MAGT1: variants seen among roughly 807,000 people sequenced by gnomAD.
MAGT1 encodes the protein magnesium transporter 1.
MAGT1 carries 4 observed loss-of-function variants against 28.4 expected under a neutral mutation model. That is an observed-to-expected ratio of 0.14 (90% CI 0.07 to 0.32). MAGT1 has a LOEUF of 0.32. Ranked by LOEUF, MAGT1 falls within the 10% of genes least tolerant of loss-of-function variation. MAGT1 has a pLI of 1.00. For missense variants in MAGT1, 193 were observed against 264.5 expected (o/e 0.73, Z 1.88); for synonymous variants, 89 against 89.7 (o/e 0.99, Z 0.04).
chrX:77,833,143 G>A (rs945186593), intron 8 of MAGT1, among the ~76,000 whole-genome samples: 1 of 112,125 alleles, frequency 8.9e-6, no homozygotes, highest in Non-Finnish European at 1.9e-5. Context: ...AGAATCGTCT[G>A]AATCATCACA....
At chrX:77,840,637 G>A (rs574910744) in intron 8 of MAGT1, among the ~76,000 whole-genome samples, 1 of 111,574 alleles carries the variant, frequency 9.0e-6, no homozygotes, top group Admixed American at 9.7e-5. Context: ...GAGTCCAGGG[G>A]TTTGAGGCCA....
chrX:77,845,871 T>C (rs1300704930), intron 7 of MAGT1, among the ~76,000 whole-genome samples: 3 of 111,489 alleles, frequency 2.7e-5, no homozygotes, highest in Non-Finnish European at 5.6e-5. Context: ...CCCTTAACAT[T>C]TTTTCCTTCA....
rs1233187728 is a variant in MAGT1 at position 77,884,753 on chromosome X, G to A, written c.103-9156C>T. On this transcript the variant is annotated intron_variant, in intron 1 of 9. Coordinates refer to ENST00000618282, the MANE Select transcript of MAGT1 (RefSeq NM_001367916.1). ...CACACACTGCCAAATATCTCCTGGG[G>A]AGCAAAATCACCCCCAATCCCACAA... Among the ~76,000 whole-genome samples, 21 of 106,731 alleles carry A rather than the reference G, an allele frequency of 2.0e-4. No homozygotes were observed. In the Admixed American group the frequency reaches 2.0e-3, roughly 10 times the overall value. The allele number at this position is 106,731 out of a possible 115,157, so 92.7% of individuals were successfully genotyped here.
At chrX:77,846,488 CTTT>C (rs1557214947) in intron 7 of MAGT1, among the ~76,000 whole-genome samples, 3 of 112,153 alleles carry the variant, frequency 2.7e-5, no homozygotes, top group Non-Finnish European at 3.8e-5. Flanking sequence ...AGCTGCATTC[CTTT>C]GGAGGAGGAG....
upstream of MAGT1, chrX:77,895,468 G>C: frequency 4.2e-6 from 5 of 1,189,904 alleles, no homozygotes; most frequent in Non-Finnish European, 5.7e-6. Context: ...TGAGGGTGGG[G>C]CGTGAGAACA....
intron 8 of MAGT1, among the ~76,000 whole-genome samples, chrX:77,836,235 G>A (rs782142844): frequency 3.6e-5 from 4 of 111,393 alleles, no homozygotes; most frequent in African/African-American, 1.3e-4. Context: ...ACCAGAGGCT[G>A]GGAACGGTAG....
chrX:77,847,679 T>G (rs2076955902), intron 7 of MAGT1, among the ~76,000 whole-genome samples: 1 of 106,628 alleles, frequency 9.4e-6, no homozygotes. Context: ...GGAGCCATCT[T>G]GACTCACTGC....
chrX:77,875,733 G>A (rs1280898908), intron 1 of MAGT1, 136 bp from the exon 2 acceptor site: 11 of 536,520 alleles, frequency 2.1e-5, no homozygotes, highest in Non-Finnish European at 3.1e-5. Flanking sequence ...GCCAAAATTT[G>A]GTAGTTGGGC....
intron 1 of MAGT1, among the ~76,000 whole-genome samples, chrX:77,883,151 TG>T (rs2077057908): frequency 9.7e-6 from 1 of 102,735 alleles, no homozygotes; most frequent in African/African-American, 3.5e-5. Context: ...AGGCTATCAT[TG>T]TTAGACATTT....
chrX:77,839,343 C>CT (rs1408011440), intron 8 of MAGT1, among the ~76,000 whole-genome samples: 84 of 97,058 alleles, frequency 8.7e-4, no homozygotes, highest in African/African-American at 9.2e-4. Context: ...AACAAACATT[C>CT]TTTTTTTTTT....
chrX:77,831,961 T>A (rs113494260), intron 8 of MAGT1, among the ~76,000 whole-genome samples: 13 of 111,502 alleles, frequency 1.2e-4, no homozygotes, highest in African/African-American at 3.6e-4. Flanking sequence ...AACTTAGACA[T>A]CTGATGACTT....
chrX:77,846,555 T>A (rs1351445104), intron 7 of MAGT1, among the ~76,000 whole-genome samples: 7 of 112,019 alleles, frequency 6.2e-5, no homozygotes, highest in Non-Finnish European at 1.3e-4. Flanking sequence ...TTTCCCCATC[T>A]TTGTGGTTTT....
At chrX:77,883,120 A>T in intron 1 of MAGT1, among the ~76,000 whole-genome samples, 1 of 102,094 alleles carries the variant, frequency 9.8e-6, no homozygotes, top group African/African-American at 3.5e-5. Context: ...ATTATATTAT[A>T]ATATATATTA....
chrX:77,852,552 T>G, intron 7 of MAGT1, among the ~76,000 whole-genome samples: 1 of 111,866 alleles, frequency 8.9e-6, no homozygotes, highest in East Asian at 2.8e-4. Flanking sequence ...TAATTTATAT[T>G]CCTTTTGCAA....
At chrX:77,863,786 G>A (rs782644499) in intron 3 of MAGT1, among the ~76,000 whole-genome samples, 1 of 112,005 alleles carries the variant, frequency 8.9e-6, no homozygotes, top group South Asian at 3.7e-4. Flanking sequence ...GGGAGGCTGC[G>A]GCAGGTGGAT....
intron 7 of MAGT1, among the ~76,000 whole-genome samples, chrX:77,848,947 G>A (rs374797545): frequency 7.4e-4 from 81 of 110,031 alleles, no homozygotes; most frequent in African/African-American, 1.5e-3. Flanking sequence ...CTGGGAGGTC[G>A]AGGTTACAGT....
At chrX:77,868,693 G>T (rs782042756) in intron 3 of MAGT1, 17 of 289,568 alleles carry the variant, frequency 5.9e-5, no homozygotes, top group South Asian at 5.7e-4. Context: ...GGTGGCAAGT[G>T]CCTGTAATCC....
At chrX:77,844,939 T>A (rs2076946844) in intron 7 of MAGT1, among the ~76,000 whole-genome samples, 1 of 111,226 alleles carries the variant, frequency 9.0e-6, no homozygotes, top group Admixed American at 9.7e-5. Context: ...GGGTGGAGAG[T>A]TCTGTAGATG....
chrX:77,834,237 T>TAC lies in MAGT1; in HGVS notation c.902-3343_902-3342insGT, dbSNP rs1399438750. Among the ~76,000 whole-genome samples the TAC allele has an allele frequency of 5.9e-4, 46 of 77,792 alleles. 1 individual carries two copies. The highest frequency in any genetic ancestry group is 1.1e-3 in the Non-Finnish European group (40 of 36,288). 67.6% of individuals were successfully genotyped at this position (77,792 alleles called of 115,157 possible). The stretch of plus-strand genomic sequence containing the variant: ...GTGTGTATATATATGCATATATGTA[T>TAC]ATATATGCATATATATACATGTGTG... On this transcript the variant is annotated intron_variant, in intron 8 of 9. Coordinates refer to ENST00000618282, the MANE Select transcript of MAGT1 (RefSeq NM_001367916.1).
Sources: allele counts gnomAD v4.1 joint callset (sites outside exome capture counted in the v4.1 genomes callset), GRCh38; gene constraint gnomAD v4.1.1; transcripts MANE v1.5; gene names NCBI Gene and HGNC (gene_info 2026-07-23, HGNC 2026-07-21).